ZNF549: variants seen among roughly 807,000 people sequenced by gnomAD.
The protein encoded by ZNF549 is zinc finger protein 549.
A neutral mutation model predicts 11.1 loss-of-function variants in ZNF549; 11 were observed. That is an observed-to-expected ratio of 0.99 (90% CI 0.62 to 1.64). The LOEUF (loss-of-function observed/expected upper bound fraction) is 1.64. Among genes scored for constraint, ZNF549 ranks in the 40% most tolerant of loss-of-function variants. The pLI is 0.00. For synonymous variants in ZNF549, 266 were observed against 269.1 expected, an observed-to-expected ratio of 0.99 and a Z score of 0.11; for missense variants, 748 against 765.1, an observed-to-expected ratio of 0.98 and a Z score of 0.26.
At chr19:57,527,668 G>T in intron 1 of ZNF549, 62 bp downstream of exon 1, 1 of 1,585,274 alleles carries the variant, frequency 6.3e-7, no homozygotes, top group Non-Finnish European at 8.6e-7. Flanking sequence ...GGTCACCTGC[G>T]TGGGTCTCTG....
chr19:57,537,596 C>T lies in ZNF549; in HGVS notation c.592C>T (p.Leu198Phe). The change falls in exon 4 of 4, where the codon CTC becomes TTC. Residue 198 changes from leucine to phenylalanine, a missense_variant. By Grantham distance (22) the Leu-to-Phe change is conservative. Coordinates refer to ENST00000376233, the MANE Select transcript of ZNF549 (RefSeq NM_001199295.2). ...EKDFPTILGL[L>F]QHQTTHSRQE... ...GGATTTTCCAACCATCCTGGGCCTTCTCCAACACCAGACCACCCACAGCAG... is the reference window on the plus strand; with the variant it reads ...GGATTTTCCAACCATCCTGGGCCTTTTCCAACACCAGACCACCCACAGCAG... 6.2e-7 allele frequency: 1 copy of T among 1,614,188 alleles called. No individual in the cohort carries two copies. The highest frequency in any genetic ancestry group is 1.3e-5 in the African/African-American group (1 of 75,052).
chr19:57,528,968 C>CG (rs1345373832), intron 1 of ZNF549, among the ~76,000 whole-genome samples: 1 of 152,082 alleles, frequency 6.6e-6, no homozygotes, highest in Non-Finnish European at 1.5e-5. Flanking sequence ...AGTCATGGAC[C>CG]GCATAACAAC....
At chr19:57,537,153 TC>T (rs746023679) in intron 3 of ZNF549, 50 bp from the exon 4 acceptor site, 1 of 1,558,036 alleles carries the variant, frequency 6.4e-7, no homozygotes, top group African/African-American at 1.4e-5. Flanking sequence ...ATGGAGCTGT[TC>T]CCTTCTACCA....
At chr19:57,528,402 G>C (rs1214597331) in intron 1 of ZNF549, among the ~76,000 whole-genome samples, 1 of 152,188 alleles carries the variant, frequency 6.6e-6, no homozygotes, top group Non-Finnish European at 1.5e-5. Flanking sequence ...AAATTCATGG[G>C]AGGGGACTGA....
chr19:57,539,227 A>C lies in ZNF549; in HGVS notation c.*300A>C. 1 of 267,028 alleles carries C rather than the reference A, an allele frequency of 3.7e-6. No homozygotes were observed. Among genetic ancestry groups the C allele is most frequent in the Non-Finnish European group, 7.2e-6 (1 of 139,342 alleles). 16.5% of individuals were successfully genotyped at this position (267,028 alleles called of 1,614,324 possible). A position where few individuals can be genotyped will look rare whatever the true frequency, so the allele number is the denominator to read the frequency against. On this transcript the variant is annotated 3_prime_UTR_variant, in exon 4 of 4. Coordinates refer to ENST00000376233, the MANE Select transcript of ZNF549 (RefSeq NM_001199295.2). ...AATTCTGAAGGGAATAATATAATAA[A>C]AGCCTGTTGAGGGTCCTCTTCCATC...
Position 57,537,336 on chromosome 19 carries a change from T to C in ZNF549, c.332T>C (p.Leu111Pro). 2 of 1,614,216 alleles carry C rather than the reference T, an allele frequency of 1.2e-6. No individual in the cohort carries two copies. The highest frequency in any genetic ancestry group is 1.7e-6 in the Non-Finnish European group (2 of 1,180,034). Residue 111 changes from leucine to proline, a missense_variant, in exon 4 of 4, where the codon CTG (leucine) becomes CCG (proline). By Grantham distance (98) the Leu-to-Pro change is moderately conservative. Transcript: ENST00000376233. ...PNAHSCEMCI[L>P]VMKDILYLSE... The stretch of plus-strand genomic sequence containing the variant: ...GCTCATTCTTGTGAGATGTGTATCC[T>C]GGTCATGAAAGACATTTTGTACCTC...
intron 2 of ZNF549, among the ~76,000 whole-genome samples, chr19:57,534,658 G>A (rs1230304779): frequency 1.3e-5 from 2 of 152,196 alleles, no homozygotes; most frequent in Non-Finnish European, 2.9e-5. Flanking sequence ...ACATGGGGAC[G>A]TCTTCATAAC....
At chr19:57,533,184 T>C (rs1301124309) in intron 2 of ZNF549, among the ~76,000 whole-genome samples, 1 of 152,140 alleles carries the variant, frequency 6.6e-6, no homozygotes, top group Non-Finnish European at 1.5e-5. Flanking sequence ...CCTTTAATAA[T>C]GTGGTGGTGA....
In ZNF549 at chr19:57,527,420, T is replaced by TA; in HGVS notation, c.-152dup. The TA allele has an allele frequency of 9.0e-7, 1 of 1,115,356 alleles. No homozygotes were observed. The highest frequency in any genetic ancestry group is 1.3e-6 in the Non-Finnish European group (1 of 765,816). 69.1% of individuals were successfully genotyped at this position (1,115,356 alleles called of 1,614,324 possible). ...TCCGGCTCGCTGGGTCCGGGCCAGG[T>TA]AACTGGAGCCGGAAACCGGTGGAGG... On this transcript the variant is annotated 5_prime_UTR_variant, in exon 1 of 4. Coordinates refer to ENST00000376233, the MANE Select transcript of ZNF549 (RefSeq NM_001199295.2).
rs1256792663 is a variant in ZNF549 at position 57,535,260 on chromosome 19, G to C, written c.189G>C (p.Met63Ile). The C allele has an allele frequency of 6.2e-7, 1 of 1,613,858 alleles. No homozygotes were observed. The highest frequency in any genetic ancestry group is 1.7e-5 in the Admixed American group (1 of 60,018). ...HDVMLENFSL[M>I]ASVGCLHGIE... ...TGATGCTGGAGAACTTTTCGCTTAT[G>C]GCCTCAGTAGGTAAGATCTCTTAAA... Residue 63 changes from methionine (M) to isoleucine (I), a missense_variant, in exon 3 of 4, where the codon ATG becomes ATC. Physicochemically the swap from Met to Ile is conservative, Grantham distance 10. Transcript: ENST00000376233.
chr19:57,540,213 A>T lies in ZNF549; in HGVS notation c.*1286A>T, dbSNP rs2089949233. 6.6e-6 allele frequency: 1 copy of T among 152,236 alleles called. No individual in the cohort carries two copies. The highest frequency in any genetic ancestry group is 1.5e-5 in the Non-Finnish European group (1 of 68,042). 9.4% of individuals were successfully genotyped at this position (152,236 alleles called of 1,614,324 possible). On this transcript the variant is annotated 3_prime_UTR_variant, in exon 4 of 4. Transcript: ENST00000376233. ...TACTTCCCGTTTATTGCCACTGCTGAGAAGGCTGTCCTTCCTAACTTGTGA... is the reference window on the plus strand; with the variant it reads ...TACTTCCCGTTTATTGCCACTGCTGTGAAGGCTGTCCTTCCTAACTTGTGA...
rs560282447 is a variant in ZNF549, at chr19:57,529,865, G to A, written c.34-1205G>A. Among the ~76,000 whole-genome samples, 5 of 152,068 alleles carry A rather than the reference G, an allele frequency of 3.3e-5. No homozygotes were observed. In the South Asian group the frequency reaches 8.3e-4, roughly 25 times the overall value. ...TGCACCACTACACTCCAGCCTGGGC[G>A]ACAGAGCGAGGCTCCGTCTCCAAAA... On this transcript the variant is annotated intron_variant, in intron 1 of 3. Coordinates refer to ENST00000376233, the MANE Select transcript of ZNF549 (RefSeq NM_001199295.2).
At chr19:57,531,691 A>G (rs915982880) in intron 2 of ZNF549, among the ~76,000 whole-genome samples, 2 of 152,232 alleles carry the variant, frequency 1.3e-5, no homozygotes, top group African/African-American at 4.8e-5. Flanking sequence ...GAGACAGTTG[A>G]TATGATAACC....
Position 57,538,235 on chromosome 19 carries a change from C to T in ZNF549, c.1231C>T (p.His411Tyr). The part of the protein sequence containing the change: ...KQSLLDHHRI[H>Y]TGERPYECKE... ...GTCACTTCTTGATCACCATAGAATCCACACGGGAGAAAGGCCTTATGAGTG... is the reference window on the plus strand; with the variant it reads ...GTCACTTCTTGATCACCATAGAATCTACACGGGAGAAAGGCCTTATGAGTG... Residue 411 changes from histidine to tyrosine, a missense_variant, in exon 4 of 4, where the codon CAC becomes TAC. By Grantham distance (83) the His-to-Tyr change is moderately conservative. Transcript: ENST00000376233. The T allele has an allele frequency of 7.4e-6, 12 of 1,613,934 alleles. No individual in the cohort carries two copies. The highest frequency in any genetic ancestry group is 1.0e-5 in the Non-Finnish European group (12 of 1,180,000).
At chr19:57,537,160 T>A (rs771930411) in intron 3 of ZNF549, 44 bp from the exon 4 acceptor site, 3 of 1,567,468 alleles carry the variant, frequency 1.9e-6, no homozygotes, top group Non-Finnish European at 2.6e-6. Context: ...TGTTCCCTTC[T>A]ACCAAAGTCT....
chr19:57,535,423 G>C, intron 3 of ZNF549, 153 bp downstream of exon 3: 1 of 1,184,532 alleles, frequency 8.4e-7, no homozygotes, highest in South Asian at 1.9e-5. Flanking sequence ...TGGTTGCCAG[G>C]CCTGGGTTTT....
rs529451376 is a variant in ZNF549, at chr19:57,536,938, A to T, written c.200-266A>T. Reference sequence around the variant, plus strand: ...GACCTGTATCTCCACAAGAAATTCTAAAAAAAAATTAGCCAGGTATGGTGG... The same window carrying T: ...GACCTGTATCTCCACAAGAAATTCTTAAAAAAAATTAGCCAGGTATGGTGG... On this transcript the variant is annotated intron_variant, in intron 3 of 3. Coordinates refer to ENST00000376233, the MANE Select transcript of ZNF549 (RefSeq NM_001199295.2). Among the ~76,000 whole-genome samples the T allele has an allele frequency of 2.6e-5, 4 of 151,716 alleles. No homozygotes were observed. In the East Asian group the frequency reaches 7.8e-4, roughly 29 times the overall value.
chr19:57,536,750 G>A (rs2089926277), intron 3 of ZNF549, among the ~76,000 whole-genome samples: 1 of 152,110 alleles, frequency 6.6e-6, no homozygotes, highest in Admixed American at 6.6e-5. Flanking sequence ...GCCTAATACT[G>A]CAAGTATTAT....
At chr19:57,535,030 G>A in intron 2 of ZNF549, 114 bp from the exon 3 acceptor site, 1 of 1,397,836 alleles carries the variant, frequency 7.2e-7, no homozygotes, top group East Asian at 2.3e-5. Flanking sequence ...CCCAGTGGGA[G>A]ACACCATAAG....
Sources: allele counts gnomAD v4.1 joint callset (sites outside exome capture counted in the v4.1 genomes callset), GRCh38; gene constraint gnomAD v4.1.1; transcripts MANE v1.5; gene names NCBI Gene and HGNC (gene_info 2026-07-23, HGNC 2026-07-21).